Variants in MYH11 observed in about 807,000 individuals in gnomAD.
The protein encoded by MYH11 is myosin-11.
MYH11 carries 80 observed loss-of-function variants against 246.6 expected under a neutral mutation model. That is an observed-to-expected ratio of 0.32 (90% CI 0.27 to 0.39). MYH11 has a LOEUF of 0.39. MYH11 is among the 10% of genes least tolerant of loss of function. The pLI, the probability that MYH11 is intolerant of heterozygous loss-of-function variation, is 1.00. For synonymous variants in MYH11, 1,071 were observed against 1,015.5 expected (o/e 1.05, Z -1.04); for missense variants, 2,158 against 2,546.8 (o/e 0.85, Z 3.29).
At position 15,758,325 on chromosome 16, in the gene MYH11, C is replaced by T. The variant is rs568333977; in HGVS notation, c.1402-325G>A. On this transcript the variant is annotated intron_variant, in intron 12 of 40. Transcript: ENST00000300036. The stretch of plus-strand genomic sequence containing the variant: ...CATTTTACAGATGTGAAAACAGAGG[C>T]GCAGAGAGAAAGTGACTCGGTAGTA... Among the ~76,000 whole-genome samples the T allele has an allele frequency of 8.5e-5, 13 of 152,224 alleles. No individual in the cohort carries two copies. The East Asian group carries it at 1.9e-3, about 23-fold the overall frequency.
At chr16:15,800,282 G>A (rs988664968) in intron 3 of MYH11, among the ~76,000 whole-genome samples, 9 of 151,788 alleles carry the variant, frequency 5.9e-5, no homozygotes, top group African/African-American at 1.9e-4. Flanking sequence ...ATGGATGGGA[G>A]GCTGGGTGAA....
At chr16:15,716,160 C>T (rs937746708) in intron 38 of MYH11, among the ~76,000 whole-genome samples, 1 of 152,064 alleles carries the variant, frequency 6.6e-6, no homozygotes, top group African/African-American at 2.4e-5. Flanking sequence ...AACTCCTGGA[C>T]TCAAGTGCTG....
intron 2 of MYH11, among the ~76,000 whole-genome samples, chr16:15,834,355 G>A (rs1295563175): frequency 2.0e-5 from 3 of 151,798 alleles, no homozygotes; most frequent in African/African-American, 4.8e-5. Context: ...GGTGAAACCC[G>A]TCTCTACTAA....
chr16:15,829,730 G>A (rs2043677578), intron 2 of MYH11, among the ~76,000 whole-genome samples: 1 of 152,166 alleles, frequency 6.6e-6, no homozygotes, highest in South Asian at 2.1e-4. Context: ...TTTCTCTGAC[G>A]CTTTATATGG....
chr16:15,773,367 T>C, intron 8 of MYH11, among the ~76,000 whole-genome samples: 1 of 150,106 alleles, frequency 6.7e-6, no homozygotes, highest in Non-Finnish European at 1.5e-5. Flanking sequence ...GGCTGCTCAC[T>C]GCAACCTCTG....
intron 3 of MYH11, among the ~76,000 whole-genome samples, chr16:15,806,769 A>AGGCCAAGGGCTGTGCCTGATCCCG: frequency 6.6e-6 from 1 of 151,868 alleles, no homozygotes; most frequent in African/African-American, 2.4e-5. Flanking sequence ...GAGCTCCTGA[A>AGGCCAAGGGCTGTGCCTGATCCCG]GGTACAAGGA....
chr16:15,816,477 T>C (rs1026576429), intron 3 of MYH11, among the ~76,000 whole-genome samples: 3 of 152,030 alleles, frequency 2.0e-5, no homozygotes, highest in Non-Finnish European at 4.4e-5. Context: ...AGAAAAATAG[T>C]CACAAAGCAG....
chr16:15,811,919 T>G (rs1596882079), intron 3 of MYH11, among the ~76,000 whole-genome samples: 1 of 152,150 alleles, frequency 6.6e-6, no homozygotes, highest in Non-Finnish European at 1.5e-5. Context: ...AGGCTCAGAA[T>G]GGAATCTTAT....
chr16:15,754,255 C>T (rs1273317245), intron 14 of MYH11, among the ~76,000 whole-genome samples: 1 of 152,008 alleles, frequency 6.6e-6, no homozygotes, highest in Non-Finnish European at 1.5e-5. Flanking sequence ...GCATGGCATC[C>T]TATTTTCCAC....
At chr16:15,828,304 T>A (rs1455393477) in intron 2 of MYH11, among the ~76,000 whole-genome samples, 1 of 152,200 alleles carries the variant, frequency 6.6e-6, no homozygotes, top group African/African-American at 2.4e-5. Context: ...TGTTATTTAG[T>A]GACTCTTACT....
chr16:15,716,537 T>G (rs2040157467), intron 38 of MYH11, among the ~76,000 whole-genome samples: 1 of 151,812 alleles, frequency 6.6e-6, no homozygotes, highest in African/African-American at 2.4e-5. Context: ...TGTGTGTATG[T>G]GTGTGGAAGG....
chr16:15,780,180 C>G (rs2042314199), intron 6 of MYH11, among the ~76,000 whole-genome samples: 1 of 152,130 alleles, frequency 6.6e-6, no homozygotes, highest in Non-Finnish European at 1.5e-5. Flanking sequence ...AGAATTGGAA[C>G]ATGCAAACGC....
At chr16:15,761,307 T>TA (rs1163091936) in intron 10 of MYH11, among the ~76,000 whole-genome samples, 1 of 152,116 alleles carries the variant, frequency 6.6e-6, no homozygotes, top group Non-Finnish European at 1.5e-5. Flanking sequence ...GAGATGGAGT[T>TA]ACACCGTGTT....
At chr16:15,721,711 C>T (rs1240882572) in intron 31 of MYH11, 77 bp from the exon 32 acceptor site, 4 of 1,484,036 alleles carry the variant, frequency 2.7e-6, no homozygotes, top group African/African-American at 1.4e-5. Flanking sequence ...CCGGGGGAAG[C>T]CCTGTGTCCT....
intron 5 of MYH11, chr16:15,785,054 C>G (rs1237641818): frequency 5.3e-6 from 1 of 189,900 alleles, no homozygotes; most frequent in African/African-American, 2.9e-5. Flanking sequence ...CTCACTATGT[C>G]ACCCAGGCTG....
At chr16:15,730,368 C>CT (rs1321752018) in intron 27 of MYH11, among the ~76,000 whole-genome samples, 2 of 113,634 alleles carry the variant, frequency 1.8e-5, no homozygotes, top group Non-Finnish European at 3.3e-5. Flanking sequence ...CCCATCTCTA[C>CT]TAAAAAAAAA....
rs1019152968 is a variant in MYH11 at position 15,851,604 on chromosome 16, C to T, written c.-18+5337G>A. On this transcript the variant is annotated intron_variant, in intron 1 of 40. Transcript: ENST00000300036. The stretch of plus-strand genomic sequence containing the variant: ...CTGACCCTACTCCACCATTTCTACC[C>T]TCCCCTCACCATTCACATCCCCCCA... Among the ~76,000 whole-genome samples, 13 of 152,030 alleles carry T rather than the reference C, an allele frequency of 8.6e-5. 1 individual carries two copies. Among genetic ancestry groups the T allele is most frequent in the Admixed American group, 7.9e-4 (12 of 15,242 alleles).
At chr16:15,712,897 A>ATTTTTTTTTTTTTTTTT (rs2039897795) in intron 40 of MYH11, 1 of 43,816 alleles carries the variant, frequency 2.3e-5, no homozygotes, top group Non-Finnish European at 3.9e-5. Context: ...TTTTTTTTTG[A>ATTTTTTTTTTTTTTTTT]GACCGAGTCT....
intron 28 of MYH11, chr16:15,726,243 G>A (rs2040750718): frequency 6.5e-6 from 1 of 154,536 alleles, no homozygotes; most frequent in African/African-American, 2.4e-5. Flanking sequence ...CTCGGCTGGA[G>A]TCCTACTGGG....
Sources: gnomAD v4.1 joint callset for allele counts (sites outside exome capture counted in the v4.1 genomes callset) on GRCh38, gnomAD v4.1.1 for gene constraint, MANE v1.5 for transcripts, NCBI Gene and HGNC (gene_info 2026-07-23, HGNC 2026-07-21) for gene names.